Variants in SPIRE2 observed in about 807,000 individuals in gnomAD.
The protein encoded by SPIRE2 is protein spire homolog 2.
In SPIRE2, 76 loss-of-function variants were observed where a neutral mutation model predicts 80.7. That is an observed-to-expected ratio of 0.94 (90% CI 0.78 to 1.14). SPIRE2 has a LOEUF of 1.14. SPIRE2 is among the 50% of genes most tolerant of loss of function. The pLI, the probability that SPIRE2 is intolerant of heterozygous loss-of-function variation, is 0.00. For missense variants in SPIRE2, 1,196 were observed against 1,015.3 expected, an observed-to-expected ratio of 1.18 and a Z score of -2.42; for synonymous variants, 535 against 432.6, an observed-to-expected ratio of 1.24 and a Z score of -2.94.
In SPIRE2 at chr16:89,863,708, T is replaced by G; in HGVS notation, c.1711-86T>G. On this transcript the variant is annotated intron_variant, in intron 11 of 14. Transcript: ENST00000378247. This position sits in a 1 kb window ranked among gnomAD's most constrained non-coding sequence, Gnocchi z 4.3. ...CAGGACTGTTTGCTCATGATCTGGT[T>G]GGGAGCCCTGAGGGGGTAGCAGGGA... is the stretch of plus-strand genomic sequence containing the variant. 6.2e-7 allele frequency: 1 copy of G among 1,609,560 alleles called. No individual in the cohort carries two copies. Among genetic ancestry groups the G allele is most frequent in the Non-Finnish European group, 8.5e-7 (1 of 1,176,058 alleles).
chr16:89,869,808 G>A lies in SPIRE2; in HGVS notation c.1922+126G>A, dbSNP rs1353057081. 1.5e-5 allele frequency: 12 copies of A among 778,026 alleles called. No individual in the cohort carries two copies. In the Admixed American group the frequency reaches 2.3e-4, roughly 15 times the overall value. The allele number at this position is 778,026 out of a possible 1,614,324, so 48.2% of individuals were successfully genotyped here. On this transcript the variant is annotated intron_variant, in intron 14 of 14. Transcript: ENST00000378247. ...ACACCCCAAGGAAATGGAAATGCAA[G>A]GCAGAGACGGATCGTTGTGTAGGGC...
intron 3 of SPIRE2, 97 bp from the exon 4 acceptor site, chr16:89,854,189 A>G: frequency 8.9e-7 from 1 of 1,120,452 alleles, no homozygotes; most frequent in Non-Finnish European, 1.3e-6. Flanking sequence ...GGTCGAGTGG[A>G]GCCCCCGTGA....
chr16:89,840,646 T>G (rs886476849), intron 1 of SPIRE2, among the ~76,000 whole-genome samples: 110 of 149,390 alleles, frequency 7.4e-4, no homozygotes, highest in African/African-American at 2.6e-3. Flanking sequence ...ATTTTTTTTT[T>G]TTTTTTTTTG....
In SPIRE2 at chr16:89,838,568, C is replaced by A. The variant is rs985748089; in HGVS notation, c.245-6754C>A. 3.3e-5 allele frequency among the ~76,000 whole-genome samples: 5 copies of A among 152,160 alleles called. No homozygotes were observed. In the East Asian group the frequency reaches 9.6e-4, roughly 29 times the overall value. On this transcript the variant is annotated intron_variant, in intron 1 of 14. Transcript: ENST00000378247. ...AGGGAAGCACGGTGAGCCACGGAAG[C>A]CACACAGGCTGTCTGATGGCAGATC...
chr16:89,868,052 G>C (rs1256539829), intron 12 of SPIRE2, 137 bp from the exon 13 acceptor site: 5 of 924,340 alleles, frequency 5.4e-6, no homozygotes, highest in Non-Finnish European at 8.9e-6. Flanking sequence ...GTAAAATAAA[G>C]TACTGAAGTA....
At position 89,869,669 on chromosome 16, in the gene SPIRE2, A is replaced by G; in HGVS notation, c.1909A>G (p.Arg637Gly). ...SAAKTAPIQR[R>G]DIFQSLQGPQ... The stretch of plus-strand genomic sequence containing the variant: ...TGCCAAAACCGCGCCAATCCAGAGA[A>G]GAGACATCTTTCAGTGCGTTCTTCG... The change falls in exon 14 of 15, where the codon AGA becomes GGA. Residue 637 changes from arginine to glycine, a missense_variant. By Grantham distance (125) the Arg-to-Gly change is moderately radical (BLOSUM62 -2). Coordinates refer to ENST00000378247, the MANE Select transcript of SPIRE2 (RefSeq NM_032451.2). 6.2e-7 allele frequency: 1 copy of G among 1,613,796 alleles called. No individual in the cohort carries two copies. The highest frequency in any genetic ancestry group is 8.5e-7 in the Non-Finnish European group (1 of 1,179,674).
intron 14 of SPIRE2, among the ~76,000 whole-genome samples, 169 bp downstream of exon 14, chr16:89,869,851 T>C (rs529818598): frequency 6.6e-6 from 1 of 151,130 alleles, no homozygotes; most frequent in South Asian, 2.1e-4. Flanking sequence ...GGCTGAGCAG[T>C]ATGAGATGGA....
chr16:89,851,057 G>A (rs2041622442), intron 3 of SPIRE2, among the ~76,000 whole-genome samples: 1 of 152,046 alleles, frequency 6.6e-6, no homozygotes. Flanking sequence ...CTGACCTCAG[G>A]TGATCCATCT....
At chr16:89,843,256 CAG>C (rs1317612519) in intron 1 of SPIRE2, among the ~76,000 whole-genome samples, 1 of 152,202 alleles carries the variant, frequency 6.6e-6, no homozygotes, top group Admixed American at 6.5e-5. Context: ...TTGGAGCAAA[CAG>C]ATTCATCCTC....
intron 1 of SPIRE2, among the ~76,000 whole-genome samples, chr16:89,844,000 CTT>C (rs995181603): frequency 8.7e-5 from 12 of 137,170 alleles, no homozygotes; most frequent in East Asian, 4.2e-4. Flanking sequence ...CGTGCCTGGC[CTT>C]TTTTTTTTTT....
intron 2 of SPIRE2, chr16:89,850,049 G>T: frequency 1.6e-6 from 1 of 609,342 alleles, no homozygotes. Flanking sequence ...TGTTGGTCAG[G>T]CTGGTCTTGA....
Position 89,844,893 on chromosome 16 carries a change from C to T in SPIRE2, c.245-429C>T, listed in dbSNP as rs562909576. ...CCACCACATCTGGCCTCCTACTCCA[C>T]CTGCCCCTCCTTCACTCTTACTCCC... is the stretch of plus-strand genomic sequence containing the variant. On this transcript the variant is annotated intron_variant, in intron 1 of 14. Transcript: ENST00000378247. Among the ~76,000 whole-genome samples, 5 of 152,314 alleles carry T rather than the reference C, an allele frequency of 3.3e-5. No homozygotes were observed. The South Asian group carries it at 8.3e-4, about 25-fold the overall frequency.
intron 6 of SPIRE2, 111 bp from the exon 7 acceptor site, chr16:89,856,002 G>T (rs2041686911): frequency 6.6e-7 from 1 of 1,508,282 alleles, no homozygotes; most frequent in African/African-American, 1.4e-5. Context: ...CTCCAGAGTG[G>T]GCCCGTGTCA....
intron 1 of SPIRE2, among the ~76,000 whole-genome samples, chr16:89,837,367 G>T (rs2041460308): frequency 6.6e-6 from 1 of 152,156 alleles, no homozygotes; most frequent in Non-Finnish European, 1.5e-5. Flanking sequence ...GACTCAGCTG[G>T]GTGGCCTTGG....
At position 89,850,832 on chromosome 16, in the gene SPIRE2, T is replaced by G. The variant is rs569223321; in HGVS notation, c.645+172T>G. Among the ~76,000 whole-genome samples the G allele has an allele frequency of 3.5e-3, 536 of 152,136 alleles. 1 individual carries two copies. Among genetic ancestry groups the G allele is most frequent in the South Asian group, 0.013 (64 of 4,804 alleles). On this transcript the variant is annotated intron_variant, in intron 3 of 14. Coordinates refer to ENST00000378247, the MANE Select transcript of SPIRE2 (RefSeq NM_032451.2). ...AATCCTCACGCTTTCTTGTTGTTTTTTTGTTGTTGTTGTTGTTTTTTTAGA... is the reference window on the plus strand; with the variant it reads ...AATCCTCACGCTTTCTTGTTGTTTTGTTGTTGTTGTTGTTGTTTTTTTAGA...
At chr16:89,847,843 A>G (rs777875347) in intron 2 of SPIRE2, among the ~76,000 whole-genome samples, 2 of 152,192 alleles carry the variant, frequency 1.3e-5, no homozygotes, top group Non-Finnish European at 2.9e-5. Context: ...AAGAGCTTTT[A>G]TGGACGCAGC....
rs1002249508 is a variant in SPIRE2 at position 89,831,727 on chromosome 16, C to T, written c.244+2933C>T. Among the ~76,000 whole-genome samples the T allele has an allele frequency of 5.9e-5, 9 of 151,302 alleles. 2 individuals are homozygous for T. The highest frequency in any genetic ancestry group is 8.9e-5 in the Non-Finnish European group (6 of 67,374). ...GCTAAACTTTTTCACAGGCAGGCCC[C>T]GCTCTTTACGCTAGGATGCCCCACG... On this transcript the variant is annotated intron_variant, in intron 1 of 14. Coordinates refer to ENST00000378247, the MANE Select transcript of SPIRE2 (RefSeq NM_032451.2).
chr16:89,849,989 C>T, intron 2 of SPIRE2: 3 of 432,354 alleles, frequency 6.9e-6, no homozygotes, highest in Admixed American at 3.2e-5. Flanking sequence ...AGGCGTGCAC[C>T]ACCACGCCCA....
intron 2 of SPIRE2, among the ~76,000 whole-genome samples, chr16:89,849,408 G>C (rs534008809): frequency 1.3e-5 from 2 of 152,210 alleles, no homozygotes; most frequent in South Asian, 4.1e-4. Flanking sequence ...AGGTTGGTAC[G>C]TGATGTGCAG....
Sources: allele counts gnomAD v4.1 joint callset (sites outside exome capture counted in the v4.1 genomes callset), GRCh38; gene constraint gnomAD v4.1.1; non-coding constraint Gnocchi (gnomAD v3.1); transcripts MANE v1.5; gene names NCBI Gene and HGNC (gene_info 2026-07-23, HGNC 2026-07-21).